The following SGCZ variants were observed in gnomAD, a reference collection of about 807,000 sequenced individuals.
SGCZ encodes zeta-sarcoglycan.
SGCZ carries 40 observed loss-of-function variants against 41.3 expected under a neutral mutation model. The ratio of observed to expected loss-of-function variants is 0.97; its 90% confidence interval spans 0.75 to 1.26. The LOEUF is 1.26. SGCZ is among the 50% of genes most tolerant of loss of function. SGCZ has a pLI of 0.00. For synonymous variants in SGCZ, 206 were observed against 137.5 expected, an observed-to-expected ratio of 1.50 and a Z score of -3.49; for missense variants, 552 against 369.8, an observed-to-expected ratio of 1.49 and a Z score of -4.04.
intron 7 of SGCZ, among the ~76,000 whole-genome samples, chr8:14,091,182 C>G (rs193175937): frequency 7.9e-5 from 12 of 151,632 alleles, no homozygotes; most frequent in African/African-American, 2.2e-4. Context: ...TTTTTTATGG[C>G]TGCATAGTAT....
At chr8:14,115,658 C>A (rs943839314) in intron 5 of SGCZ, among the ~76,000 whole-genome samples, 1 of 151,844 alleles carries the variant, frequency 6.6e-6, no homozygotes, top group East Asian at 1.9e-4. Flanking sequence ...TTCTTATGAA[C>A]GTAAATCTTT....
chr8:15,055,472 C>T lies in SGCZ; in HGVS notation c.39+182113G>A, dbSNP rs896373543. 1.4e-4 allele frequency among the ~76,000 whole-genome samples: 22 copies of T among 151,972 alleles called. 1 individual carries two copies. The highest frequency in any genetic ancestry group is 4.6e-4 in the African/African-American group (19 of 41,340). ...GAAACAGGTAATGCATGACTATGTACGAATTTCAGGAAAAAAACATGAAAA... is the reference window on the plus strand; with the variant it reads ...GAAACAGGTAATGCATGACTATGTATGAATTTCAGGAAAAAAACATGAAAA... On this transcript the variant is annotated intron_variant, in intron 1 of 7. Coordinates refer to ENST00000382080, the MANE Select transcript of SGCZ (RefSeq NM_139167.4).
rs114056918 is a variant in SGCZ at position 14,458,970 on chromosome 8, G to A, written c.234+95762C>T. ...ATAAAAGGTAAGGAAATGTCAAAAGGACATAGTGGCCAACTTGACAGAGAT... is the reference window on the plus strand; with the variant it reads ...ATAAAAGGTAAGGAAATGTCAAAAGAACATAGTGGCCAACTTGACAGAGAT... On this transcript the variant is annotated intron_variant, in intron 2 of 7. Transcript: ENST00000382080. Among the ~76,000 whole-genome samples, 1,306 of 152,202 alleles carry A rather than the reference G, an allele frequency of 8.6e-3. 20 individuals are homozygous for A. The highest frequency in any genetic ancestry group is 0.03 in the African/African-American group (1,237 of 41,526).
At chr8:14,599,449 T>A (rs576509012) in intron 1 of SGCZ, among the ~76,000 whole-genome samples, 2 of 152,312 alleles carry the variant, frequency 1.3e-5, no homozygotes, top group African/African-American at 2.4e-5. Context: ...CTCTGACTGG[T>A]CTCCCATTAA....
intron 6 of SGCZ, among the ~76,000 whole-genome samples, chr8:14,104,358 T>G (rs1044540914): frequency 1.4e-5 from 2 of 146,138 alleles, no homozygotes; most frequent in African/African-American, 4.9e-5. Flanking sequence ...AAGCATTCTG[T>G]TTTTTTATGG....
chr8:14,881,372 C>T (rs1804582034), intron 1 of SGCZ, among the ~76,000 whole-genome samples: 2 of 152,080 alleles, frequency 1.3e-5, no homozygotes, highest in African/African-American at 4.8e-5. Context: ...TTTCGACCCC[C>T]ATACACCATG....
At chr8:14,933,216 G>T (rs1414996007) in intron 1 of SGCZ, among the ~76,000 whole-genome samples, 1 of 151,876 alleles carries the variant, frequency 6.6e-6, no homozygotes. Context: ...ATCTGCATAT[G>T]TACCTCCTAA....
At position 15,062,036 on chromosome 8, in the gene SGCZ, G is replaced by A. The variant is rs377510188; in HGVS notation, c.39+175549C>T. Among the ~76,000 whole-genome samples, 12 of 152,246 alleles carry A rather than the reference G, an allele frequency of 7.9e-5. No individual in the cohort carries two copies. The South Asian group carries it at 2.5e-3, about 32-fold the overall frequency. Reference sequence around the variant, plus strand: ...TTAGACCAGTAGCAGATACTCTGCTGCACCAGAACTGGAATATCTACTCTT... The same window carrying A: ...TTAGACCAGTAGCAGATACTCTGCTACACCAGAACTGGAATATCTACTCTT... On this transcript the variant is annotated intron_variant, in intron 1 of 7. Transcript: ENST00000382080.
At chr8:14,954,140 C>T (rs1368077063) in intron 1 of SGCZ, among the ~76,000 whole-genome samples, 4 of 152,150 alleles carry the variant, frequency 2.6e-5, no homozygotes, top group Admixed American at 2.0e-4. Flanking sequence ...ATAATGTAGA[C>T]TTGTCTAAAG....
At chr8:14,342,929 G>C (rs1037183647) in intron 2 of SGCZ, among the ~76,000 whole-genome samples, 3 of 152,150 alleles carry the variant, frequency 2.0e-5, no homozygotes, top group East Asian at 3.9e-4. Context: ...TTTGTGGGCT[G>C]GGCCCAGGGT....
At chr8:14,789,726 C>T (rs769843651) in intron 1 of SGCZ, among the ~76,000 whole-genome samples, 3 of 152,126 alleles carry the variant, frequency 2.0e-5, no homozygotes, top group Non-Finnish European at 2.9e-5. Flanking sequence ...CTCTAGATCT[C>T]ATCATGAGCA....
chr8:15,031,986 A>G (rs1157987747), intron 1 of SGCZ, among the ~76,000 whole-genome samples: 1 of 150,730 alleles, frequency 6.6e-6, no homozygotes, highest in Non-Finnish European at 1.5e-5. Context: ...TCATTTTTGC[A>G]TACACCAAAT....
intron 1 of SGCZ, among the ~76,000 whole-genome samples, chr8:14,867,109 T>A (rs887461424): frequency 1.3e-5 from 2 of 152,172 alleles, no homozygotes; most frequent in African/African-American, 4.8e-5. Flanking sequence ...TGCAATTTGT[T>A]TTTCTGTCTC....
chr8:14,819,537 A>C (rs981622637), intron 1 of SGCZ, among the ~76,000 whole-genome samples: 1 of 152,150 alleles, frequency 6.6e-6, no homozygotes, highest in Admixed American at 6.6e-5. Context: ...AACACATGAA[A>C]GTATGAAACT....
chr8:14,362,481 T>C (rs1803560227), intron 2 of SGCZ, among the ~76,000 whole-genome samples: 2 of 151,970 alleles, frequency 1.3e-5, no homozygotes, highest in Admixed American at 1.3e-4. Context: ...CAAGGCTCCA[T>C]GGGCGTGGGA....
At chr8:14,275,788 G>A (rs185887341) in intron 3 of SGCZ, among the ~76,000 whole-genome samples, 2 of 152,122 alleles carry the variant, frequency 1.3e-5, no homozygotes, top group Non-Finnish European at 2.9e-5. Context: ...GCTGGTGGCT[G>A]AAGGCTGGTT....
At chr8:14,545,525 T>C (rs949615805) in intron 2 of SGCZ, among the ~76,000 whole-genome samples, 1 of 152,102 alleles carries the variant, frequency 6.6e-6, no homozygotes, top group African/African-American at 2.4e-5. Flanking sequence ...AAAAGCATCA[T>C]ATTATTTAAG....
At chr8:14,325,747 C>CATATATATATATATATATATATAT (rs370021799) in intron 2 of SGCZ, among the ~76,000 whole-genome samples, 1 of 69,460 alleles carries the variant, frequency 1.4e-5, no homozygotes, top group African/African-American at 4.5e-5. Context: ...CACACACACA[C>CATATATATATATATATATATATAT]ATATATATAT....
intron 1 of SGCZ, among the ~76,000 whole-genome samples, chr8:14,658,135 C>A (rs538307146): frequency 6.6e-6 from 1 of 152,274 alleles, no homozygotes; most frequent in Non-Finnish European, 1.5e-5. Flanking sequence ...GCCCCACGCT[C>A]CTCCTCTCAG....
Sources: allele counts gnomAD v4.1 joint callset (sites outside exome capture counted in the v4.1 genomes callset), GRCh38; gene constraint gnomAD v4.1.1; transcripts MANE v1.5; gene names NCBI Gene and HGNC (gene_info 2026-07-23, HGNC 2026-07-21).